GSAP: variants seen among roughly 807,000 people sequenced by gnomAD.
The protein encoded by GSAP is gamma-secretase activating protein.
In GSAP, 118 loss-of-function variants were observed where a neutral mutation model predicts 131.7. The ratio of observed to expected loss-of-function variants is 0.90; its 90% confidence interval spans 0.77 to 1.04. The LOEUF (loss-of-function observed/expected upper bound fraction) is 1.04. GSAP is among the 50% of genes least tolerant of loss of function. The pLI is 0.00. For synonymous variants in GSAP, 381 were observed against 363.4 expected (o/e 1.05, Z -0.55); for missense variants, 1,019 against 1,013.2 (o/e 1.01, Z -0.08).
intron 19 of GSAP, among the ~76,000 whole-genome samples, chr7:77,339,081 C>A (rs12333877): frequency 2.6e-5 from 4 of 151,964 alleles, no homozygotes; most frequent in Non-Finnish European, 5.9e-5. Flanking sequence ...ATTGAGGTCA[C>A]GAGTGTCCAG....
chr7:77,378,925 CA>C (rs1475614660), intron 8 of GSAP, among the ~76,000 whole-genome samples: 1 of 152,198 alleles, frequency 6.6e-6, no homozygotes, highest in Non-Finnish European at 1.5e-5. Flanking sequence ...GGTCCATATT[CA>C]TGCCTAAACC....
intron 9 of GSAP, 133 bp downstream of exon 9, chr7:77,377,153 G>C (rs1797016955): frequency 1.9e-6 from 2 of 1,043,290 alleles, no homozygotes; most frequent in Admixed American, 3.3e-5. Flanking sequence ...GGAGTTCAAG[G>C]CTGCAGTGAG....
At position 77,416,251 on chromosome 7, in the gene GSAP, G is replaced by A. The variant is rs1804452476; in HGVS notation, c.71C>T (p.Ala24Val). The A allele has an allele frequency of 6.7e-7, 1 of 1,491,232 alleles. No individual in the cohort carries two copies. The highest frequency in any genetic ancestry group is 2.3e-5 in the Admixed American group (1 of 43,286). 92.4% of individuals were successfully genotyped at this position (1,491,232 alleles called of 1,614,324 possible). ...DVLPWLRAQR[A>V]VSEASGAGSG... Reference sequence around the variant, plus strand: ...TCCGGCCCCGCTGGCCTCCGACACTGCCCGCTGCGCCCGCAACCACGGGAG... The same window carrying A: ...TCCGGCCCCGCTGGCCTCCGACACTACCCGCTGCGCCCGCAACCACGGGAG... The change falls in exon 1 of 31, where the codon GCA (alanine) becomes GTA (valine). Residue 24 changes from alanine (A) to valine (V), a missense_variant. Transcript: ENST00000257626.
intron 5 of GSAP, among the ~76,000 whole-genome samples, chr7:77,389,062 T>C (rs1722678619): frequency 2.0e-5 from 3 of 152,134 alleles, no homozygotes; most frequent in African/African-American, 7.2e-5. Flanking sequence ...AGAAAGACAT[T>C]GGTGTCAAAG....
chr7:77,345,081 C>A (rs1011604183), intron 19 of GSAP, among the ~76,000 whole-genome samples: 1 of 149,058 alleles, frequency 6.7e-6, no homozygotes, highest in African/African-American at 2.4e-5. Context: ...TTATGCTGAA[C>A]CCCCTTGGGC....
At chr7:77,344,945 A>AC (rs1446971296) in intron 19 of GSAP, among the ~76,000 whole-genome samples, 1 of 152,176 alleles carries the variant, frequency 6.6e-6, no homozygotes, top group East Asian at 1.9e-4. Context: ...AACAACAACA[A>AC]AAAAAGAAAG....
At chr7:77,384,943 T>C (rs1255080748) in intron 6 of GSAP, among the ~76,000 whole-genome samples, 1 of 151,890 alleles carries the variant, frequency 6.6e-6, no homozygotes, top group African/African-American at 2.4e-5. Context: ...GGGACTAAGA[T>C]GGGTCCACAG....
intron 18 of GSAP, chr7:77,351,690 C>G (rs1792886729): frequency 1.0e-6 from 1 of 985,742 alleles, no homozygotes; most frequent in African/African-American, 1.7e-5. Context: ...CCTGCACAAT[C>G]TTGAGAAGTG....
intron 12 of GSAP, among the ~76,000 whole-genome samples, chr7:77,366,823 G>T (rs1054348129): frequency 3.9e-5 from 6 of 152,144 alleles, no homozygotes; most frequent in Non-Finnish European, 8.8e-5. Flanking sequence ...GGGCAGTATG[G>T]TCATTTTAAT....
At chr7:77,374,801 T>A (rs1420756999) in intron 11 of GSAP, among the ~76,000 whole-genome samples, 1 of 152,152 alleles carries the variant, frequency 6.6e-6, no homozygotes, top group Non-Finnish European at 1.5e-5. Flanking sequence ...GAAGGGTATA[T>A]CCTTATACCA....
At chr7:77,411,815 C>T (rs371367796) in intron 1 of GSAP, among the ~76,000 whole-genome samples, 18 of 152,112 alleles carry the variant, frequency 1.2e-4, no homozygotes, top group Non-Finnish European at 2.5e-4. Flanking sequence ...TTAAGACACT[C>T]GTGAAGAATA....
At chr7:77,343,420 C>CCT (rs1370936101) in intron 19 of GSAP, among the ~76,000 whole-genome samples, 16 of 152,190 alleles carry the variant, frequency 1.1e-4, no homozygotes, top group African/African-American at 3.9e-4. Context: ...ATATCCTGCA[C>CCT]CTCCATGCTG....
chr7:77,390,585 A>G (rs1396145136), intron 5 of GSAP, among the ~76,000 whole-genome samples: 1 of 152,054 alleles, frequency 6.6e-6, no homozygotes, highest in African/African-American at 2.4e-5. Flanking sequence ...GTCAAAGATC[A>G]GATAGTTGTA....
chr7:77,396,103 G>A (rs1178155251), intron 5 of GSAP, among the ~76,000 whole-genome samples: 1 of 152,156 alleles, frequency 6.6e-6, no homozygotes, highest in East Asian at 1.9e-4. Context: ...GGACTTGCTA[G>A]TGACAACAAA....
intron 24 of GSAP, among the ~76,000 whole-genome samples, chr7:77,322,972 A>T (rs73703330): frequency 0.1 from 15,415 of 152,190 alleles, 869 homozygotes; most frequent in African/African-American, 0.15. Flanking sequence ...ACAAATTTGG[A>T]GAAATAATGG....
intron 12 of GSAP, among the ~76,000 whole-genome samples, chr7:77,364,490 G>A (rs1026952569): frequency 7.1e-6 from 1 of 140,886 alleles, no homozygotes; most frequent in African/African-American, 2.7e-5. Context: ...CATGGACACA[G>A]GAAGGGGAAC....
chr7:77,327,972 AG>A (rs1465668016), intron 22 of GSAP, among the ~76,000 whole-genome samples: 1 of 152,226 alleles, frequency 6.6e-6, no homozygotes, highest in East Asian at 1.9e-4. Flanking sequence ...TCATGTGCTA[AG>A]CACTATGTTA....
Position 77,376,862 on chromosome 7 carries a change from T to C in GSAP, c.727A>G (p.Ser243Gly). 6.8e-7 allele frequency: 1 copy of C among 1,469,112 alleles called. No homozygotes were observed. Among genetic ancestry groups the C allele is most frequent in the Non-Finnish European group, 9.4e-7 (1 of 1,066,932 alleles). The allele number at this position is 1,469,112 out of a possible 1,614,324, so 91.0% of individuals were successfully genotyped here. A position where few individuals can be genotyped will look rare whatever the true frequency, so the allele number is the denominator to read the frequency against. ...TCTGGACTTACCATTAAGTTATAGCTCTCATCAGCATAAAACTGGATACAT... is the reference window on the plus strand; with the variant it reads ...TCTGGACTTACCATTAAGTTATAGCCCTCATCAGCATAAAACTGGATACAT... ...LKCIQFYADESYNLMFEVPLD... is the reference protein window; with the variant it reads ...LKCIQFYADEGYNLMFEVPLD... Residue 243 changes from serine to glycine, a missense_variant, in exon 10 of 31, where the codon AGC (serine) becomes GGC (glycine). Physicochemically the swap from Ser to Gly is moderately conservative, Grantham distance 56 (BLOSUM62 0). Coordinates refer to ENST00000257626, the MANE Select transcript of GSAP (RefSeq NM_017439.4).
In GSAP at chr7:77,377,372, G is replaced by A. The variant is rs748112885; in HGVS notation, c.595C>T (p.His199Tyr). The change falls in exon 9 of 31, where the codon CAT (histidine) becomes TAT (tyrosine). Residue 199 changes from histidine (H) to tyrosine (Y), a missense_variant. Physicochemically the swap from His to Tyr is moderately conservative, Grantham distance 83 (BLOSUM62 2). Coordinates refer to ENST00000257626, the MANE Select transcript of GSAP (RefSeq NM_017439.4). ...TCAGCTATTCTGTCTCTTGGGAGAT[G>A]GCCAGAATTTTTAATCACCTAAAAA... is the stretch of plus-strand genomic sequence containing the variant. ...GNRVVIKNSG[H>Y]LPRDRIAEDF... 3.8e-5 allele frequency: 59 copies of A among 1,554,364 alleles called. No individual in the cohort carries two copies. The highest frequency in any genetic ancestry group is 4.5e-5 in the Non-Finnish European group (52 of 1,158,144).
Sources: allele counts gnomAD v4.1 joint callset (sites outside exome capture counted in the v4.1 genomes callset), GRCh38; gene constraint gnomAD v4.1.1; transcripts MANE v1.5; gene names NCBI Gene and HGNC (gene_info 2026-07-23, HGNC 2026-07-21).